The following VPS50 variants were observed in gnomAD, a reference collection of about 807,000 sequenced individuals.
The protein encoded by VPS50 is syndetin.
In VPS50, 70 loss-of-function variants were observed where a neutral mutation model predicts 139.7. The ratio of observed to expected loss-of-function variants is 0.50; its 90% CI spans 0.41 to 0.61. VPS50 has a LOEUF of 0.61. Ranked by LOEUF, VPS50 falls within the 20% of genes least tolerant of loss-of-function variation. VPS50 has a pLI of 0.00. For missense variants in VPS50, 921 were observed against 1,133.7 expected (o/e 0.81, Z 2.69); for synonymous variants, 365 against 376.7 (o/e 0.97, Z 0.36).
chr7:93,344,289 A>G (rs1431863516), intron 23 of VPS50, among the ~76,000 whole-genome samples: 1 of 152,222 alleles, frequency 6.6e-6, no homozygotes, highest in Non-Finnish European at 1.5e-5. Context: ...ACTATCCTAA[A>G]TATATATGCA....
chr7:93,344,902 C>T (rs1798342665), intron 23 of VPS50, among the ~76,000 whole-genome samples: 1 of 152,034 alleles, frequency 6.6e-6, no homozygotes, highest in East Asian at 1.9e-4. Flanking sequence ...GACACCCTAA[C>T]ATCACAATTA....
intron 2 of VPS50, among the ~76,000 whole-genome samples, chr7:93,246,379 A>T (rs1285161035): frequency 6.6e-6 from 1 of 151,858 alleles, no homozygotes; most frequent in Admixed American, 6.6e-5. Context: ...CAGGTGTATA[A>T]TGTGGACTGG....
At position 93,359,627 on chromosome 7, in the gene VPS50, C is replaced by A. The variant is rs1798794181; in HGVS notation, c.*1191C>A. The stretch of plus-strand genomic sequence containing the variant: ...TTGTGTGGCATTGGTCCAATGATTG[C>A]CATGCATGACCTGTAACATCAACAG... On this transcript the variant is annotated 3_prime_UTR_variant, in exon 28 of 28. Transcript: ENST00000305866. 1 of 152,038 alleles carries A rather than the reference C, an allele frequency of 6.6e-6. No homozygotes were observed. The highest frequency in any genetic ancestry group is 2.4e-5 in the African/African-American group (1 of 41,400). 9.4% of individuals were successfully genotyped at this position (152,038 alleles called of 1,614,324 possible).
intron 16 of VPS50, among the ~76,000 whole-genome samples, chr7:93,301,231 AG>A (rs1796965308): frequency 6.6e-6 from 1 of 151,414 alleles, no homozygotes; most frequent in African/African-American, 2.4e-5. Flanking sequence ...TGTGCGGCAG[AG>A]GTTGCAGTGA....
At chr7:93,304,733 T>C (rs185726399) in intron 17 of VPS50, among the ~76,000 whole-genome samples, 1 of 152,034 alleles carries the variant, frequency 6.6e-6, no homozygotes, top group East Asian at 1.9e-4. Flanking sequence ...CATTCCCATC[T>C]AGGTGAACAT....
chr7:93,306,208 C>G (rs1295582118), intron 18 of VPS50, among the ~76,000 whole-genome samples: 1 of 151,574 alleles, frequency 6.6e-6, no homozygotes, highest in Non-Finnish European at 1.5e-5. Flanking sequence ...GTAAATTTTC[C>G]CTTTATGTTT....
chr7:93,300,021 G>A (rs1796931846), intron 16 of VPS50, among the ~76,000 whole-genome samples: 1 of 152,038 alleles, frequency 6.6e-6, no homozygotes, highest in African/African-American at 2.4e-5. Flanking sequence ...TCTTAAAGTG[G>A]CATTGACTGG....
chr7:93,238,283 T>G (rs1023329476), intron 1 of VPS50, among the ~76,000 whole-genome samples: 9 of 151,370 alleles, frequency 5.9e-5, no homozygotes, highest in Admixed American at 1.3e-4. Flanking sequence ...AAAGGCATAT[T>G]AAACCTCCTT....
At chr7:93,318,682 G>A (rs1399630047) in intron 20 of VPS50, among the ~76,000 whole-genome samples, 1 of 152,120 alleles carries the variant, frequency 6.6e-6, no homozygotes, top group Non-Finnish European at 1.5e-5. Context: ...CCCAATAGAT[G>A]TTGGACTGAC....
In VPS50 at chr7:93,359,527, A is replaced by T. The variant is rs1332203325; in HGVS notation, c.*1091A>T. ...TATGTGACATAAAAATCCATTTTCC[A>T]TGTACTCTTGCCAACTGTCTGATAA... On this transcript the variant is annotated 3_prime_UTR_variant, in exon 28 of 28. Coordinates refer to ENST00000305866, the MANE Select transcript of VPS50 (RefSeq NM_017667.4). 1 of 152,154 alleles carries T rather than the reference A, an allele frequency of 6.6e-6. No individual in the cohort carries two copies. Among genetic ancestry groups the T allele is most frequent in the African/African-American group, 2.4e-5 (1 of 41,434 alleles). The allele number at this position is 152,154 out of a possible 1,614,324, so 9.4% of individuals were successfully genotyped here.
intron 27 of VPS50, among the ~76,000 whole-genome samples, chr7:93,356,497 C>T (rs763935319): frequency 2.0e-5 from 3 of 152,112 alleles, no homozygotes; most frequent in Non-Finnish European, 4.4e-5. Context: ...TACTCCTCAA[C>T]GATGAAATGG....
chr7:93,353,685 G>C lies in VPS50; in HGVS notation c.2509G>C (p.Val837Leu). ...GAGGCTAAATGAAGTTTCTAAGAGA[G>C]TTCGCATACCCTTGCCTGTGTCTAA... The part of the protein sequence containing the change: ...NRRLNEVSKR[V>L]RIPLPVSNIL... Residue 837 changes from valine to leucine, a missense_variant, in exon 26 of 28, where the codon GTT (valine) becomes CTT (leucine). Coordinates refer to ENST00000305866, the MANE Select transcript of VPS50 (RefSeq NM_017667.4). The C allele has an allele frequency of 6.2e-7, 1 of 1,613,016 alleles. No homozygotes were observed. Among genetic ancestry groups the C allele is most frequent in the Non-Finnish European group, 8.5e-7 (1 of 1,179,210 alleles).
intron 9 of VPS50, among the ~76,000 whole-genome samples, chr7:93,266,997 C>A (rs1033699497): frequency 2.0e-5 from 3 of 152,134 alleles, no homozygotes; most frequent in African/African-American, 7.2e-5. Flanking sequence ...TGCATTAAAT[C>A]TTAATAAATG....
rs1796144263 is a variant in VPS50, at chr7:93,276,101, A to G, written c.802-64A>G. Reference sequence around the variant, plus strand: ...AAAGATGTTTCCCTGGGTTTTTTCAATTTGTTGAAATTTATTTATTTTAAT... The same window carrying G: ...AAAGATGTTTCCCTGGGTTTTTTCAGTTTGTTGAAATTTATTTATTTTAAT... On this transcript the variant is annotated intron_variant, in intron 11 of 27. Coordinates refer to ENST00000305866, the MANE Select transcript of VPS50 (RefSeq NM_017667.4). The G allele has an allele frequency of 4.9e-6, 7 of 1,421,810 alleles. No homozygotes were observed. The East Asian group carries it at 1.2e-4, about 23-fold the overall frequency. The allele number at this position is 1,421,810 out of a possible 1,614,324, so 88.1% of individuals were successfully genotyped here. A position where few individuals can be genotyped will look rare whatever the true frequency, so the allele number is the denominator to read the frequency against.
intron 21 of VPS50, among the ~76,000 whole-genome samples, chr7:93,325,216 A>G (rs1797734357): frequency 6.6e-6 from 1 of 152,240 alleles, no homozygotes; most frequent in African/African-American, 2.4e-5. Context: ...TATTTAATAA[A>G]TGGTGCTTGG....
Position 93,311,344 on chromosome 7 carries a change from G to A in VPS50, c.1855+72G>A, listed in dbSNP as rs1797261045. On this transcript the variant is annotated intron_variant, in intron 20 of 27. Transcript: ENST00000305866. The stretch of plus-strand genomic sequence containing the variant: ...TGTTACCGAATGACTTTTACTTGTG[G>A]TTTTTATTGTCTTGTATACTCCAGT... The A allele has an allele frequency of 3.8e-6, 3 of 781,396 alleles. No individual in the cohort carries two copies. In the South Asian group the frequency reaches 4.3e-5, roughly 11 times the overall value. 48.4% of individuals were successfully genotyped at this position (781,396 alleles called of 1,614,324 possible).
chr7:93,313,210 G>C (rs935431174), intron 20 of VPS50, among the ~76,000 whole-genome samples: 16 of 152,126 alleles, frequency 1.1e-4, no homozygotes, highest in African/African-American at 3.9e-4. Context: ...CATGGCCAAA[G>C]CAAGTCAGGC....
chr7:93,234,164 G>T (rs1195152672), intron 1 of VPS50, among the ~76,000 whole-genome samples: 2 of 152,190 alleles, frequency 1.3e-5, no homozygotes, highest in African/African-American at 2.4e-5. Flanking sequence ...TCTCAAGTTT[G>T]TTGCCTGCCA....
intron 6 of VPS50, 63 bp from the exon 7 acceptor site, chr7:93,258,096 C>A: frequency 1.4e-6 from 1 of 694,972 alleles, no homozygotes; most frequent in Non-Finnish European, 2.5e-6. Flanking sequence ...CCTAATTGTT[C>A]TGTGTGGATA....
Sources: gnomAD v4.1 joint callset for allele counts (sites outside exome capture counted in the v4.1 genomes callset) on GRCh38, gnomAD v4.1.1 for gene constraint, MANE v1.5 for transcripts, NCBI Gene and HGNC (gene_info 2026-07-23, HGNC 2026-07-21) for gene names.